Variants in CAMSAP1 observed in about 807,000 individuals in gnomAD.
CAMSAP1 encodes the protein calmodulin regulated spectrin associated protein 1.
CAMSAP1 carries 58 observed loss-of-function variants against 143.5 expected under a neutral mutation model. That is an observed-to-expected ratio of 0.40 (90% CI 0.33 to 0.50). CAMSAP1 has a LOEUF of 0.50. Ranked by LOEUF, CAMSAP1 falls within the 20% of genes least tolerant of loss-of-function variation. The probability of loss-of-function intolerance (pLI) is 0.45; values close to 1 mark genes in which losing one functional copy is unlikely to be tolerated. For synonymous variants in CAMSAP1, 945 were observed against 859.3 expected (o/e 1.10, Z -1.74); for missense variants, 1,969 against 2,115.7 (o/e 0.93, Z 1.36).
intron 5 of CAMSAP1, among the ~76,000 whole-genome samples, chr9:135,856,979 C>CT (rs1477069428): frequency 6.6e-6 from 1 of 152,204 alleles, no homozygotes; most frequent in Non-Finnish European, 1.5e-5. Context: ...GGGAAGGCAC[C>CT]TCCCAGTCAT....
intron 8 of CAMSAP1, among the ~76,000 whole-genome samples, chr9:135,825,579 T>C (rs1588448918): frequency 6.6e-6 from 1 of 152,208 alleles, no homozygotes; most frequent in Non-Finnish European, 1.5e-5. Flanking sequence ...AAGTCACACG[T>C]GTGCGGATCG....
chr9:135,883,205 C>CA (rs573842050), intron 1 of CAMSAP1, 127 bp from the exon 2 acceptor site: 39 of 970,350 alleles, frequency 4.0e-5, no homozygotes, highest in African/African-American at 6.6e-5. Flanking sequence ...GACCAAGTGT[C>CA]AAAAAAAATA....
rs1300319168 is a variant in CAMSAP1, at chr9:135,874,480, G to GT, written c.585+7152_585+7153insA. 3.1e-4 allele frequency among the ~76,000 whole-genome samples: 43 copies of GT among 139,638 alleles called. 1 individual carries two copies. Among genetic ancestry groups the GT allele is most frequent in the Admixed American group, 2.6e-3 (38 of 14,596 alleles). The allele number at this position is 139,638 out of a possible 152,430, so 91.6% of individuals were successfully genotyped here. A position where few individuals can be genotyped will look rare whatever the true frequency, so the allele number is the denominator to read the frequency against. On this transcript the variant is annotated intron_variant, in intron 3 of 16. Coordinates refer to ENST00000389532, the MANE Select transcript of CAMSAP1 (RefSeq NM_015447.4). The stretch of plus-strand genomic sequence containing the variant: ...AGGGTGAGACCCTGTCTCAAAAAAG[G>GT]GGGGGGGGGGCCACAGGGGCCGGGA...
chr9:135,855,112 C>T (rs1301902678), intron 5 of CAMSAP1, among the ~76,000 whole-genome samples: 2 of 152,102 alleles, frequency 1.3e-5, no homozygotes, highest in Non-Finnish European at 2.9e-5. Flanking sequence ...CTGCCTGAGC[C>T]TCCCGAGTAG....
At chr9:135,890,275 G>A (rs1040934102) in intron 1 of CAMSAP1, among the ~76,000 whole-genome samples, 1 of 151,998 alleles carries the variant, frequency 6.6e-6, no homozygotes, top group African/African-American at 2.4e-5. Flanking sequence ...CCTGCAGGAG[G>A]CTATACACAC....
rs1219971641 is a variant in CAMSAP1 at position 135,904,033 on chromosome 9, C to T, written c.160+2967G>A. ...TTCGGTCATCTGAATTACGATCTCT[C>T]CAACCTGTAAATTTAAAGAGAGTCT... On this transcript the variant is annotated intron_variant, in intron 1 of 16. Coordinates refer to ENST00000389532, the MANE Select transcript of CAMSAP1 (RefSeq NM_015447.4). 2.6e-5 allele frequency among the ~76,000 whole-genome samples: 4 copies of T among 152,144 alleles called. No homozygotes were observed. The East Asian group carries it at 5.8e-4, about 22-fold the overall frequency.
chr9:135,825,480 C>CT (rs1223119068), intron 8 of CAMSAP1, among the ~76,000 whole-genome samples: 1 of 152,152 alleles, frequency 6.6e-6, no homozygotes, highest in African/African-American at 2.4e-5. Context: ...TGGATTATAG[C>CT]TTAAGAGAAA....
Position 135,899,651 on chromosome 9 carries a change from C to T in CAMSAP1, c.160+7349G>A, listed in dbSNP as rs945161585. Among the ~76,000 whole-genome samples the T allele has an allele frequency of 8.5e-5, 13 of 152,084 alleles. No individual in the cohort carries two copies. In the East Asian group the frequency reaches 2.3e-3, roughly 27 times the overall value. The stretch of plus-strand genomic sequence containing the variant: ...CTCAGCACTTTTTCCAGTCTAATTT[C>T]GCCTTCCAACTCTGCAGCCACTACC... On this transcript the variant is annotated intron_variant, in intron 1 of 16. Transcript: ENST00000389532.
At chr9:135,871,654 C>A (rs1473422328) in intron 3 of CAMSAP1, among the ~76,000 whole-genome samples, 1 of 152,042 alleles carries the variant, frequency 6.6e-6, no homozygotes, top group Non-Finnish European at 1.5e-5. Context: ...TTCAGCAGGA[C>A]ACACTGGCTC....
intron 7 of CAMSAP1, among the ~76,000 whole-genome samples, chr9:135,830,170 T>C (rs983690351): frequency 2.6e-5 from 4 of 152,128 alleles, no homozygotes; most frequent in African/African-American, 7.2e-5. Context: ...AAAGAACTGT[T>C]AGACAAAACA....
intron 3 of CAMSAP1, among the ~76,000 whole-genome samples, chr9:135,875,066 A>G (rs1247391161): frequency 6.6e-6 from 1 of 152,220 alleles, no homozygotes; most frequent in Non-Finnish European, 1.5e-5. Flanking sequence ...GGAATATGCA[A>G]TACTAATAAC....
At chr9:135,841,282 G>C (rs1836338562) in intron 7 of CAMSAP1, among the ~76,000 whole-genome samples, 1 of 152,194 alleles carries the variant, frequency 6.6e-6, no homozygotes. Flanking sequence ...AGCCGCTGTA[G>C]CCAGACTGCC....
intron 1 of CAMSAP1, among the ~76,000 whole-genome samples, chr9:135,899,340 G>A (rs1838550378): frequency 1.3e-5 from 2 of 150,002 alleles, no homozygotes; most frequent in Admixed American, 6.7e-5. Flanking sequence ...TGTAATCCCA[G>A]AACTTTGGGA....
intron 3 of CAMSAP1, among the ~76,000 whole-genome samples, chr9:135,869,102 C>G (rs1444640368): frequency 6.6e-6 from 1 of 152,050 alleles, no homozygotes; most frequent in Non-Finnish European, 1.5e-5. Flanking sequence ...ATAGTAATAA[C>G]AGAGTATAAA....
intron 1 of CAMSAP1, among the ~76,000 whole-genome samples, chr9:135,902,247 A>C (rs1367483541): frequency 2.6e-5 from 4 of 152,188 alleles, no homozygotes; most frequent in Non-Finnish European, 5.9e-5. Flanking sequence ...AGAACAACCA[A>C]AGACGATTTA....
At chr9:135,814,984 C>T in intron 16 of CAMSAP1, 113 bp downstream of exon 16, 1 of 785,550 alleles carries the variant, frequency 1.3e-6, no homozygotes, top group East Asian at 2.8e-5. Flanking sequence ...TCTGCATTCT[C>T]CCTAGTAACT....
Position 135,824,024 on chromosome 9 carries a change from A to G in CAMSAP1, c.1326T>C (p.His442=). The G allele has an allele frequency of 6.3e-7, 1 of 1,582,668 alleles. No individual in the cohort carries two copies. The highest frequency in any genetic ancestry group is 8.6e-7 in the Non-Finnish European group (1 of 1,163,604). ...IQGEDIPDQR[H]RSNSLTRVDG... is the part of the protein sequence containing the mutation. Reference sequence around the variant, plus strand: ...CAACTCGGGTCAAAGAATTCGATCGATGTCGCTGATCTGCAGTACAGAGGA... The same window carrying G: ...CAACTCGGGTCAAAGAATTCGATCGGTGTCGCTGATCTGCAGTACAGAGGA... Residue 442 remains histidine (H), a synonymous_variant, in exon 10 of 17, where the codon CAT becomes CAC. Transcript: ENST00000389532. This position sits in a 1 kb window ranked among gnomAD's most constrained non-coding sequence, Gnocchi z 4.1.
At chr9:135,862,671 C>A in intron 4 of CAMSAP1, 63 bp from the exon 5 acceptor site, 1 of 1,493,088 alleles carries the variant, frequency 6.7e-7, no homozygotes, top group Non-Finnish European at 9.1e-7. Context: ...ATATATGTTA[C>A]AGGCACACTG....
Position 135,907,164 on chromosome 9 carries a change from A to C in CAMSAP1, c.-5T>G. The C allele has an allele frequency of 9.2e-7, 1 of 1,092,608 alleles. No individual in the cohort carries two copies. The highest frequency in any genetic ancestry group is 1.1e-6 in the Non-Finnish European group (1 of 897,948). 67.7% of individuals were successfully genotyped at this position (1,092,608 alleles called of 1,614,324 possible). A position where few individuals can be genotyped will look rare whatever the true frequency, so the allele number is the denominator to read the frequency against. ...GCGGCCGCTCGCGTCCACCATCTGC[A>C]GACAAAGGGCTGAGGCGGCGGCCCG... On this transcript the variant is annotated 5_prime_UTR_variant, in exon 1 of 17. Transcript: ENST00000389532.
Sources: gnomAD v4.1 joint callset for allele counts (sites outside exome capture counted in the v4.1 genomes callset) on GRCh38, gnomAD v4.1.1 for gene constraint, Gnocchi (gnomAD v3.1) non-coding constraint, MANE v1.5 for transcripts, NCBI Gene and HGNC (gene_info 2026-07-23, HGNC 2026-07-21) for gene names.